The following MYRIP variants were observed in gnomAD, a reference collection of about 807,000 sequenced individuals.
MYRIP encodes myosin VIIA and Rab interacting protein, also known as rab effector MyRIP.
A neutral mutation model predicts 98.0 loss-of-function variants in MYRIP; 49 were observed. That is an observed-to-expected ratio of 0.50 (90% CI 0.40 to 0.63). The LOEUF is 0.63. Among genes scored for constraint, MYRIP ranks in the 30% least tolerant of loss-of-function variants. The probability of loss-of-function intolerance (pLI) is 0.00; values close to 1 mark genes in which losing one functional copy is unlikely to be tolerated. For synonymous variants in MYRIP, 404 were observed against 409.5 expected, an observed-to-expected ratio of 0.99 and a Z score of 0.16; for missense variants, 1,004 against 1,058.2, an observed-to-expected ratio of 0.95 and a Z score of 0.71.
intron 3 of MYRIP, among the ~76,000 whole-genome samples, chr3:40,106,170 A>T (rs1319368592): frequency 6.6e-6 from 1 of 152,110 alleles, no homozygotes; most frequent in Non-Finnish European, 1.5e-5. Flanking sequence ...AATAAAGTGA[A>T]TATCCAGGTT....
intron 3 of MYRIP, among the ~76,000 whole-genome samples, chr3:40,113,427 G>A (rs536356550): frequency 1.1e-3 from 162 of 152,268 alleles, no homozygotes; most frequent in Non-Finnish European, 2.1e-3. Flanking sequence ...TTACAGGCAT[G>A]AGCCACCATG....
At chr3:39,860,051 A>G (rs1942422803) in intron 1 of MYRIP, among the ~76,000 whole-genome samples, 1 of 152,250 alleles carries the variant, frequency 6.6e-6, no homozygotes, top group Admixed American at 6.5e-5. Flanking sequence ...AAATGCAAAA[A>G]GAAGTATAAT....
chr3:39,995,200 A>G (rs998557698), intron 2 of MYRIP, among the ~76,000 whole-genome samples: 2 of 152,182 alleles, frequency 1.3e-5, no homozygotes, highest in South Asian at 2.1e-4. Context: ...TGACTTTGAC[A>G]AGTTGAGAGA....
chr3:39,981,943 A>G (rs72870082), intron 2 of MYRIP, among the ~76,000 whole-genome samples: 1 of 152,102 alleles, frequency 6.6e-6, no homozygotes, highest in Admixed American at 6.6e-5. Flanking sequence ...CACACACACA[A>G]AAAAACAAAC....
intron 3 of MYRIP, among the ~76,000 whole-genome samples, chr3:40,085,380 C>T (rs560852665): frequency 5.1e-4 from 77 of 152,228 alleles, no homozygotes; most frequent in Admixed American, 2.6e-3. Context: ...TCCATCTCCC[C>T]GGTCAAGTGA....
chr3:39,850,303 G>A (rs12638790), intron 1 of MYRIP, among the ~76,000 whole-genome samples: 8,012 of 152,212 alleles, frequency 0.053, 496 homozygotes, highest in East Asian at 0.31. Flanking sequence ...CCATTCTCCC[G>A]GTAGCCATTA....
At chr3:40,069,892 T>C (rs932499391) in intron 3 of MYRIP, among the ~76,000 whole-genome samples, 4 of 152,136 alleles carry the variant, frequency 2.6e-5, no homozygotes, top group Non-Finnish European at 2.9e-5. Context: ...GGCCTGGAGG[T>C]TGGGGACCCC....
rs369254745 is a variant in MYRIP at position 39,846,372 on chromosome 3, TC to T, written c.-31+36458del. Among the ~76,000 whole-genome samples, 12 of 152,294 alleles carry T rather than the reference TC, an allele frequency of 7.9e-5. No individual in the cohort carries two copies. In the East Asian group the frequency reaches 2.3e-3, roughly 29 times the overall value. On this transcript the variant is annotated intron_variant, in intron 1 of 16. Coordinates refer to ENST00000302541, the MANE Select transcript of MYRIP (RefSeq NM_015460.4). The stretch of plus-strand genomic sequence containing the variant: ...CTGATCCCCACTCACCTATGTACAC[TC>T]CTTCGTCTGACCCTGTCTCCCACCT...
chr3:39,901,025 G>T, intron 2 of MYRIP, 99 bp downstream of exon 2: 1 of 806,006 alleles, frequency 1.2e-6, no homozygotes, highest in Non-Finnish European at 2.0e-6. Flanking sequence ...CCTGAGTTTG[G>T]ATATACACTT....
chr3:40,172,748 GTCC>G (rs1399621887), intron 8 of MYRIP, among the ~76,000 whole-genome samples: 1 of 152,054 alleles, frequency 6.6e-6, no homozygotes, highest in Non-Finnish European at 1.5e-5. Flanking sequence ...CCCACTATGG[GTCC>G]TCACCAGTGC....
intron 4 of MYRIP, among the ~76,000 whole-genome samples, chr3:40,155,387 A>G (rs895151044): frequency 6.6e-6 from 1 of 151,186 alleles, no homozygotes; most frequent in Non-Finnish European, 1.5e-5. Context: ...AATCCAGTCT[A>G]TCATTGTTGG....
chr3:39,999,220 C>T (rs1345686502), intron 2 of MYRIP, among the ~76,000 whole-genome samples: 1 of 152,210 alleles, frequency 6.6e-6, no homozygotes, highest in Non-Finnish European at 1.5e-5. Context: ...GCAAAAGAAA[C>T]TACCATCAGA....
chr3:39,933,201 A>C (rs965850718), intron 2 of MYRIP, among the ~76,000 whole-genome samples: 2 of 152,186 alleles, frequency 1.3e-5, no homozygotes, highest in Admixed American at 1.3e-4. Context: ...CCAAATCTGG[A>C]CTACCACCTG....
At chr3:40,232,621 G>C (rs1952693529) in intron 11 of MYRIP, among the ~76,000 whole-genome samples, 1 of 152,186 alleles carries the variant, frequency 6.6e-6, no homozygotes, top group Admixed American at 6.6e-5. Context: ...ATGATGTGAT[G>C]AGATAAACAA....
rs563167229 is a variant in MYRIP at position 39,837,487 on chromosome 3, G to A, written c.-31+27571G>A. 3.3e-5 allele frequency among the ~76,000 whole-genome samples: 5 copies of A among 152,220 alleles called. No individual in the cohort carries two copies. In the South Asian group the frequency reaches 1.0e-3, roughly 32 times the overall value. ...TTAAATAGGGAATCCTTTCCCCATT[G>A]CTTGTTTTTATCAGGTTTGTCACAG... On this transcript the variant is annotated intron_variant, in intron 1 of 16. Transcript: ENST00000302541.
At chr3:40,238,605 T>C (rs1952894093) in intron 12 of MYRIP, 1 of 152,248 alleles carries the variant, frequency 6.6e-6, no homozygotes, top group Non-Finnish European at 1.5e-5. Flanking sequence ...AAAATACTTC[T>C]GAAGACTCCC....
chr3:40,227,696 T>C (rs1284165668), intron 11 of MYRIP, among the ~76,000 whole-genome samples: 1 of 152,198 alleles, frequency 6.6e-6, no homozygotes, highest in Admixed American at 6.5e-5. Flanking sequence ...CTGCAGTACA[T>C]AATGAGAGGC....
intron 10 of MYRIP, among the ~76,000 whole-genome samples, chr3:40,194,969 G>A (rs1951347947): frequency 6.6e-6 from 1 of 152,100 alleles, no homozygotes; most frequent in Non-Finnish European, 1.5e-5. Context: ...AGCTATTCCA[G>A]ATAGATAATC....
chr3:40,109,052 T>C (rs1714416), intron 3 of MYRIP, among the ~76,000 whole-genome samples: 120,504 of 152,198 alleles, frequency 0.79, 47,954 homozygotes, highest in Admixed American at 0.85. Context: ...TCTCTTTCCC[T>C]TTTCTCATCT....
Sources: gnomAD v4.1 joint callset for allele counts (sites outside exome capture counted in the v4.1 genomes callset) on GRCh38, gnomAD v4.1.1 for gene constraint, MANE v1.5 for transcripts, NCBI Gene and HGNC (gene_info 2026-07-23, HGNC 2026-07-21) for gene names.